DAB1: variants seen among roughly 807,000 people sequenced by gnomAD.
The protein encoded by DAB1 is DAB adaptor protein 1.
Under a neutral mutation model 64.6 loss-of-function variants are expected in DAB1, and 15 were observed. The ratio of observed to expected loss-of-function variants is 0.23; its 90% CI spans 0.16 to 0.36. The LOEUF (loss-of-function observed/expected upper bound fraction) is 0.36. Among genes scored for constraint, DAB1 ranks in the 10% least tolerant of loss-of-function variants. The pLI is 1.00. For synonymous variants in DAB1, 235 were observed against 251.9 expected, an observed-to-expected ratio of 0.93 and a Z score of 0.64; for missense variants, 596 against 706.7, an observed-to-expected ratio of 0.84 and a Z score of 1.78.
At chr1:57,194,818 G>C (rs2100230808) in intron 2 of DAB1, among the ~76,000 whole-genome samples, 1 of 152,250 alleles carries the variant, frequency 6.6e-6, no homozygotes, top group Admixed American at 6.5e-5. Context: ...TCAGTACTCA[G>C]GAAAGCATGA....
At chr1:58,031,967 C>T (rs1646976934) in intron 5 of DAB1, among the ~76,000 whole-genome samples, 2 of 150,720 alleles carry the variant, frequency 1.3e-5, no homozygotes. Context: ...CATTTTATCA[C>T]AGCTGCAAGT....
At chr1:57,594,189 A>G (rs907794669) in intron 7 of DAB1, among the ~76,000 whole-genome samples, 3 of 152,192 alleles carry the variant, frequency 2.0e-5, no homozygotes, top group Non-Finnish European at 4.4e-5. Flanking sequence ...CTTGCCCCAT[A>G]GGGTATTCTT....
intron 6 of DAB1, among the ~76,000 whole-genome samples, chr1:57,710,586 G>A (rs556414520): frequency 2.0e-5 from 3 of 152,122 alleles, no homozygotes; most frequent in South Asian, 4.2e-4. Flanking sequence ...AAGTTGTTGC[G>A]ACTGGAAATT....
chr1:58,533,675 A>T (rs928437231), intron 1 of DAB1, among the ~76,000 whole-genome samples: 2 of 152,190 alleles, frequency 1.3e-5, no homozygotes, highest in Non-Finnish European at 2.9e-5. Flanking sequence ...ATTTAATTTG[A>T]AATAATTAGG....
chr1:58,073,483 C>A (rs1297501049), intron 5 of DAB1, among the ~76,000 whole-genome samples: 1 of 152,148 alleles, frequency 6.6e-6, no homozygotes, highest in Non-Finnish European at 1.5e-5. Flanking sequence ...CTCCCCAGGG[C>A]CCCTACAGTA....
rs897220383 is a variant in DAB1, at chr1:58,216,058, T to G, written n.310-65470A>C. 4.0e-4 allele frequency among the ~76,000 whole-genome samples: 61 copies of G among 152,190 alleles called. 1 individual carries two copies. The highest frequency in any genetic ancestry group is 3.1e-4 in the Non-Finnish European group (21 of 68,032). On this transcript the variant is annotated intron_variant and non_coding_transcript_variant, in intron 4 of 20. Transcript: ENST00000485760. Reference sequence around the variant, plus strand: ...TTATTATTTTTATTATACTTTAAGTTCTGGGATACATATGCAGAACTTGCA... The same window carrying G: ...TTATTATTTTTATTATACTTTAAGTGCTGGGATACATATGCAGAACTTGCA...
chr1:58,241,903 A>G (rs943027556), intron 4 of DAB1, among the ~76,000 whole-genome samples: 7 of 152,090 alleles, frequency 4.6e-5, no homozygotes, highest in Non-Finnish European at 1.0e-4. Flanking sequence ...TTAGAAAACA[A>G]TATGGCATCA....
chr1:58,250,377 C>T (rs1348953712), intron 4 of DAB1, among the ~76,000 whole-genome samples: 1 of 152,242 alleles, frequency 6.6e-6, no homozygotes, highest in Non-Finnish European at 1.5e-5. Context: ...GGAGACGCCG[C>T]GGAGCTGGGT....
chr1:58,366,424 TAAC>T (rs1644218539), intron 3 of DAB1, among the ~76,000 whole-genome samples: 1 of 152,218 alleles, frequency 6.6e-6, no homozygotes, highest in Non-Finnish European at 1.5e-5. Flanking sequence ...AATGGCCTAC[TAAC>T]AACACAGCTA....
At chr1:57,218,845 G>T (rs1037804929) in intron 2 of DAB1, among the ~76,000 whole-genome samples, 1 of 152,126 alleles carries the variant, frequency 6.6e-6, no homozygotes, top group Non-Finnish European at 1.5e-5. Flanking sequence ...AGGATGCAGG[G>T]CCTTAGACCT....
intron 1 of DAB1, among the ~76,000 whole-genome samples, chr1:57,837,350 C>A (rs917064821): frequency 2.0e-5 from 3 of 152,300 alleles, no homozygotes; most frequent in African/African-American, 7.2e-5. Context: ...CACCCTTGCC[C>A]CATGCTTTCT....
chr1:58,261,263 C>T (rs1383748115), intron 4 of DAB1, among the ~76,000 whole-genome samples: 2 of 152,052 alleles, frequency 1.3e-5, no homozygotes, highest in Non-Finnish European at 2.9e-5. Flanking sequence ...AAATAAATAA[C>T]AGTAAAGAGA....
Position 57,404,985 on chromosome 1 carries a change from C to T in DAB1, c.-137+18945G>A, listed in dbSNP as rs138439329. On this transcript the variant is annotated intron_variant, in intron 1 of 14. Coordinates refer to ENST00000371236, the MANE Select transcript of DAB1 (RefSeq NM_001365792.1). ...CATTCACTCAATTCCACAGTAACTACTAAGTTGCTCATGTTCTCGCTCTGG... is the reference window on the plus strand; with the variant it reads ...CATTCACTCAATTCCACAGTAACTATTAAGTTGCTCATGTTCTCGCTCTGG... Among the ~76,000 whole-genome samples, 193 of 152,284 alleles carry T rather than the reference C, an allele frequency of 1.3e-3. 2 individuals are homozygous for T. Among genetic ancestry groups the T allele is most frequent in the African/African-American group, 4.3e-3 (179 of 41,552 alleles).
chr1:58,368,363 G>C (rs1037843092), intron 3 of DAB1, among the ~76,000 whole-genome samples: 1 of 152,120 alleles, frequency 6.6e-6, no homozygotes, highest in African/African-American at 2.4e-5. Context: ...CGAGAGTTCT[G>C]ACATCTCAGG....
chr1:57,061,275 A>G (rs997515100), intron 9 of DAB1, among the ~76,000 whole-genome samples: 10 of 151,434 alleles, frequency 6.6e-5, no homozygotes, highest in African/African-American at 1.2e-4. Flanking sequence ...GGTTATAGAA[A>G]TGGACATTGA....
At chr1:57,940,875 G>A (rs78181797) in intron 5 of DAB1, among the ~76,000 whole-genome samples, 1,622 of 152,232 alleles carry the variant, frequency 0.011, 32 homozygotes, top group African/African-American at 0.038. Flanking sequence ...TTACTCCAGT[G>A]ATATGTTTAG....
chr1:57,188,847 T>C (rs155301), intron 2 of DAB1, among the ~76,000 whole-genome samples: 4,117 of 152,346 alleles, frequency 0.027, 190 homozygotes, highest in African/African-American at 0.092. Context: ...GCATCTTTAC[T>C]GTGTACCAGG....
intron 9 of DAB1, chr1:57,033,272 A>T: frequency 9.0e-7 from 1 of 1,105,798 alleles, no homozygotes; most frequent in Non-Finnish European, 1.4e-6. Context: ...ATAGGTACCT[A>T]CTAGAGCAGA....
chr1:58,221,375 G>A (rs1419769060), intron 4 of DAB1, among the ~76,000 whole-genome samples: 4 of 152,112 alleles, frequency 2.6e-5, no homozygotes, highest in African/African-American at 4.8e-5. Flanking sequence ...GAAAGAAATC[G>A]AATTTTAAAC....
Sources: allele counts gnomAD v4.1 joint callset (sites outside exome capture counted in the v4.1 genomes callset), GRCh38; gene constraint gnomAD v4.1.1; transcripts MANE v1.5; gene names NCBI Gene and HGNC (gene_info 2026-07-23, HGNC 2026-07-21).